CCDC28A: variants seen among roughly 807,000 people sequenced by gnomAD.
CCDC28A encodes coiled-coil domain-containing protein 28A.
A neutral mutation model predicts 22.1 loss-of-function variants in CCDC28A; 24 were observed. That is an observed-to-expected ratio of 1.09 (90% CI 0.79 to 1.53). CCDC28A has a LOEUF of 1.53. Among genes scored for constraint, CCDC28A ranks in the 40% most tolerant of loss-of-function variants. The pLI is 0.00. For missense variants in CCDC28A, 170 were observed against 210.7 expected, an observed-to-expected ratio of 0.81 and a Z score of 1.20; for synonymous variants, 83 against 74.7, an observed-to-expected ratio of 1.11 and a Z score of -0.57.
chr6:138,791,541 C>CT (rs1183081907), intron 5 of CCDC28A, among the ~76,000 whole-genome samples: 2 of 152,162 alleles, frequency 1.3e-5, no homozygotes, highest in Admixed American at 6.5e-5. Context: ...TGGTCACAAC[C>CT]TGTATGCACA....
At chr6:138,779,230 A>G (rs1774981938) in intron 2 of CCDC28A, among the ~76,000 whole-genome samples, 1 of 152,220 alleles carries the variant, frequency 6.6e-6, no homozygotes, top group Admixed American at 6.5e-5. Flanking sequence ...CATGGGAGAA[A>G]GAGAACTGGA....
intron 4 of CCDC28A, among the ~76,000 whole-genome samples, chr6:138,786,469 A>G (rs1583524117): frequency 6.6e-6 from 1 of 152,370 alleles, no homozygotes; most frequent in Middle Eastern, 3.4e-3. Flanking sequence ...ACTATTGACA[A>G]AAAAGGGTTA....
At chr6:138,779,741 A>C (rs1246826051) in intron 2 of CCDC28A, 81 bp from the exon 3 acceptor site, 1 of 1,085,770 alleles carries the variant, frequency 9.2e-7, no homozygotes, top group African/African-American at 1.6e-5. Context: ...TTTAAGGGAA[A>C]TTCCATTTAC....
At chr6:138,777,267 T>C (rs1774949836) in intron 2 of CCDC28A, among the ~76,000 whole-genome samples, 1 of 152,224 alleles carries the variant, frequency 6.6e-6, no homozygotes, top group Non-Finnish European at 1.5e-5. Flanking sequence ...TGATCTCTCT[T>C]TGTCGAAACA....
At chr6:138,780,572 AT>A (rs11348177) in intron 3 of CCDC28A, among the ~76,000 whole-genome samples, 38,942 of 123,994 alleles carry the variant, frequency 0.31, 4,844 homozygotes, top group East Asian at 0.57. Context: ...TTATTTCCCA[AT>A]TTTTTTTTTT....
chr6:138,773,888 A>G lies in CCDC28A; in HGVS notation c.-57A>G, dbSNP rs1223650412. The G allele has an allele frequency of 6.8e-6, 11 of 1,612,806 alleles. No homozygotes were observed. In the South Asian group the frequency reaches 9.9e-5, roughly 14 times the overall value. ...GCGGGTTGCGGAAGGGGGCCCCAAT[A>G]CCCTTCTTCTTCAGGTATGTAGTGG... On this transcript the variant is annotated 5_prime_UTR_variant, in exon 1 of 6. In the 5' UTR this introduces an upstream ATG that the reference lacks. Coordinates refer to ENST00000617445, the MANE Select transcript of CCDC28A (RefSeq NM_015439.3).
chr6:138,788,224 G>A (rs1775121728), intron 4 of CCDC28A, 142 bp from the exon 5 acceptor site: 1 of 371,338 alleles, frequency 2.7e-6, no homozygotes, highest in Admixed American at 4.7e-5. Context: ...GCATCCCAAA[G>A]TGCCAGGATT....
intron 4 of CCDC28A, 51 bp downstream of exon 4, chr6:138,785,432 A>G: frequency 3.6e-6 from 5 of 1,371,516 alleles, no homozygotes; most frequent in Non-Finnish European, 4.1e-6. Context: ...TTTGTTGCGA[A>G]AAAATGTACC....
At chr6:138,786,348 T>G (rs1164305882) in intron 4 of CCDC28A, among the ~76,000 whole-genome samples, 1 of 152,222 alleles carries the variant, frequency 6.6e-6, no homozygotes, top group Non-Finnish European at 1.5e-5. Context: ...TAACACAAAG[T>G]ATGATTGTTA....
intron 2 of CCDC28A, among the ~76,000 whole-genome samples, chr6:138,776,577 AAGTC>A (rs1339382212): frequency 2.6e-5 from 4 of 152,050 alleles, no homozygotes; most frequent in Admixed American, 2.6e-4. Context: ...AAGTGAAAGA[AAGTC>A]AGCAGGGTTT....
chr6:138,778,690 A>G (rs1774972700), intron 2 of CCDC28A, among the ~76,000 whole-genome samples: 1 of 152,186 alleles, frequency 6.6e-6, no homozygotes, highest in Non-Finnish European at 1.5e-5. Flanking sequence ...AAAGAGATTC[A>G]GTGGCTAGAG....
Position 138,792,787 on chromosome 6 carries a change from ATACT to A in CCDC28A, c.541_544del (p.Thr181LeufsTer28), listed in dbSNP as rs1319581611. On this transcript the variant is annotated frameshift_variant, in exon 6 of 6. Transcript: ENST00000617445. LOFTEE classifies it high-confidence loss of function. ...TTGGCAGATGCACAAGATGTTCCAA[ATACT>A]TCTGCTAGCTAAAATGAAATGTAGT... is the stretch of plus-strand genomic sequence containing the variant. 6.2e-7 allele frequency: 1 copy of A among 1,608,636 alleles called. No individual in the cohort carries two copies. Among genetic ancestry groups the A allele is most frequent in the African/African-American group, 1.3e-5 (1 of 74,882 alleles).
chr6:138,775,315 G>T (rs1277863401), intron 1 of CCDC28A, among the ~76,000 whole-genome samples: 1 of 152,164 alleles, frequency 6.6e-6, no homozygotes, highest in Admixed American at 6.5e-5. Context: ...GGATAACTAG[G>T]AGGCCTTACA....
intron 3 of CCDC28A, among the ~76,000 whole-genome samples, chr6:138,784,790 T>C (rs1775068700): frequency 6.6e-6 from 1 of 151,004 alleles, no homozygotes; most frequent in Non-Finnish European, 1.5e-5. Flanking sequence ...GTCTCCCGGG[T>C]TCAAGCGATT....
intron 4 of CCDC28A, 93 bp downstream of exon 4, chr6:138,785,474 G>A (rs1775082850): frequency 1.1e-6 from 1 of 878,788 alleles, no homozygotes; most frequent in Non-Finnish European, 1.8e-6. Context: ...ACAATCACGT[G>A]GTTGCTAGCG....
intron 4 of CCDC28A, among the ~76,000 whole-genome samples, chr6:138,785,719 C>CT (rs1562440595): frequency 6.6e-6 from 1 of 151,846 alleles, no homozygotes; most frequent in African/African-American, 2.4e-5. Context: ...AAACTTTACT[C>CT]TTTTTTTTCA....
At chr6:138,782,087 C>T (rs563787487) in intron 3 of CCDC28A, among the ~76,000 whole-genome samples, 4 of 152,260 alleles carry the variant, frequency 2.6e-5, no homozygotes, top group African/African-American at 9.6e-5. Context: ...TTCTTCCCTC[C>T]TACCCTTGAG....
intron 5 of CCDC28A, among the ~76,000 whole-genome samples, 175 bp downstream of exon 5, chr6:138,788,563 C>CTTTTTTT (rs1775126559): frequency 2.2e-5 from 2 of 91,744 alleles, no homozygotes; most frequent in East Asian, 3.8e-4. Flanking sequence ...TCTCTTTTTT[C>CTTTTTTT]TTTTCTTTTT....
chr6:138,792,118 A>C (rs1264846632), intron 5 of CCDC28A, among the ~76,000 whole-genome samples: 1 of 152,222 alleles, frequency 6.6e-6, no homozygotes, highest in African/African-American at 2.4e-5. Context: ...TTTTAAACAG[A>C]ATTGTTTTCC....
Sources: allele counts gnomAD v4.1 joint callset (sites outside exome capture counted in the v4.1 genomes callset), GRCh38; gene constraint gnomAD v4.1.1; transcripts MANE v1.5; gene names NCBI Gene and HGNC (gene_info 2026-07-23, HGNC 2026-07-21).